CTNNA3: variants seen among roughly 807,000 people sequenced by gnomAD.
CTNNA3 encodes the protein catenin alpha-3.
Under a neutral mutation model 95.7 loss-of-function variants are expected in CTNNA3, and 76 were observed. The observed-to-expected ratio is 0.79, with a 90% CI of 0.66 to 0.96. The LOEUF (loss-of-function observed/expected upper bound fraction) is 0.96. Among genes scored for constraint, CTNNA3 ranks in the 40% least tolerant of loss-of-function variants. The pLI is 0.00. For synonymous variants in CTNNA3, 431 were observed against 374.4 expected, an observed-to-expected ratio of 1.15 and a Z score of -1.74; for missense variants, 1,191 against 1,089.8, an observed-to-expected ratio of 1.09 and a Z score of -1.31.
chr10:67,481,341 T>C (rs1848219482), intron 5 of CTNNA3, among the ~76,000 whole-genome samples: 1 of 152,100 alleles, frequency 6.6e-6, no homozygotes, highest in African/African-American at 2.4e-5. Flanking sequence ...TCAAATGATC[T>C]CTCTTCACTG....
At chr10:66,441,982 C>T (rs1166882008) in intron 11 of CTNNA3, among the ~76,000 whole-genome samples, 1 of 152,128 alleles carries the variant, frequency 6.6e-6, no homozygotes, top group East Asian at 1.9e-4. Context: ...CATAATTATT[C>T]ACACTGAAAC....
intron 7 of CTNNA3, among the ~76,000 whole-genome samples, chr10:66,874,666 T>C (rs901995670): frequency 2.0e-5 from 3 of 152,236 alleles, no homozygotes; most frequent in Admixed American, 6.5e-5. Context: ...GAATTTCATG[T>C]TTTCTCTTTA....
intron 5 of CTNNA3, among the ~76,000 whole-genome samples, chr10:67,494,645 A>G (rs1233396967): frequency 6.6e-6 from 1 of 152,212 alleles, no homozygotes; most frequent in Non-Finnish European, 1.5e-5. Context: ...AGAACAAGCT[A>G]CTAAATAGGT....
intron 10 of CTNNA3, among the ~76,000 whole-genome samples, chr10:66,584,756 C>T (rs1224808998): frequency 6.6e-6 from 1 of 151,892 alleles, no homozygotes; most frequent in African/African-American, 2.4e-5. Context: ...TTGTTTTCTT[C>T]ATATTGTTAT....
intron 12 of CTNNA3, among the ~76,000 whole-genome samples, chr10:66,371,557 T>C (rs1245502295): frequency 2.0e-5 from 3 of 152,182 alleles, no homozygotes; most frequent in Non-Finnish European, 2.9e-5. Context: ...ATAATATGGA[T>C]GCAAGTAGTT....
intron 5 of CTNNA3, among the ~76,000 whole-genome samples, chr10:67,232,903 A>G (rs1865286011): frequency 6.6e-6 from 1 of 152,090 alleles, no homozygotes; most frequent in African/African-American, 2.4e-5. Flanking sequence ...AAAGATCAAA[A>G]GAGACAAAGA....
intron 9 of CTNNA3, among the ~76,000 whole-genome samples, chr10:66,658,272 T>G (rs1342073069): frequency 6.6e-6 from 1 of 151,780 alleles, no homozygotes; most frequent in Non-Finnish European, 1.5e-5. Flanking sequence ...CTGCATTCAT[T>G]TCTTCATTTG....
At chr10:66,139,077 A>G (rs78365475) in intron 13 of CTNNA3, among the ~76,000 whole-genome samples, 1 of 152,158 alleles carries the variant, frequency 6.6e-6, no homozygotes, top group South Asian at 2.1e-4. Context: ...TCCTGACTCA[A>G]TGAAGGGAAT....
intron 10 of CTNNA3, among the ~76,000 whole-genome samples, chr10:66,612,251 A>T (rs1844354421): frequency 6.6e-6 from 1 of 152,068 alleles, no homozygotes; most frequent in Admixed American, 6.6e-5. Context: ...TGACTTCTGC[A>T]TGTAATATTC....
At chr10:67,492,515 A>G (rs2082093021) in intron 5 of CTNNA3, among the ~76,000 whole-genome samples, 1 of 152,244 alleles carries the variant, frequency 6.6e-6, no homozygotes, top group Admixed American at 6.5e-5. Context: ...CTTAATATCA[A>G]GAGAGACAAT....
chr10:67,393,485 A>G (rs1844592866), intron 5 of CTNNA3, among the ~76,000 whole-genome samples: 2 of 152,148 alleles, frequency 1.3e-5, no homozygotes, highest in Non-Finnish European at 2.9e-5. Flanking sequence ...GTGTGGTGCC[A>G]TATCGCTTAC....
Position 66,704,437 on chromosome 10 carries a change from A to G in CTNNA3, c.1281+61827T>C, listed in dbSNP as rs559997624. Among the ~76,000 whole-genome samples, 57 of 152,324 alleles carry G rather than the reference A, an allele frequency of 3.7e-4. 1 individual carries two copies. The highest frequency in any genetic ancestry group is 2.5e-4 in the Non-Finnish European group (17 of 68,026). On this transcript the variant is annotated intron_variant, in intron 9 of 17. Transcript: ENST00000433211. ...TAATCTTTACACCATAGAGCAGATA[A>G]TAAGAAAATAAAAACACAGTAATGC...
chr10:66,179,973 CT>C (rs1271962139), intron 13 of CTNNA3, among the ~76,000 whole-genome samples: 2 of 151,980 alleles, frequency 1.3e-5, no homozygotes, highest in Non-Finnish European at 1.5e-5. Flanking sequence ...GCCAGCTTTG[CT>C]TTTTTTCTAT....
chr10:67,111,607 T>C (rs1225768266), intron 7 of CTNNA3, among the ~76,000 whole-genome samples: 1 of 152,050 alleles, frequency 6.6e-6, no homozygotes, highest in Non-Finnish European at 1.5e-5. Context: ...ATATCAAGAT[T>C]ATTTTTGTCA....
chr10:66,919,766 A>C (rs1846689341), intron 7 of CTNNA3, among the ~76,000 whole-genome samples: 1 of 152,204 alleles, frequency 6.6e-6, no homozygotes, highest in African/African-American at 2.4e-5. Context: ...TAATGCTCTG[A>C]TGAAGATCTG....
At chr10:66,432,621 A>G (rs2093306514) in intron 11 of CTNNA3, among the ~76,000 whole-genome samples, 1 of 150,220 alleles carries the variant, frequency 6.7e-6, no homozygotes, top group Admixed American at 6.7e-5. Flanking sequence ...AGATTGCGCC[A>G]CTGCACTCCA....
At chr10:67,563,158 C>G (rs957415689) in intron 3 of CTNNA3, among the ~76,000 whole-genome samples, 1 of 152,012 alleles carries the variant, frequency 6.6e-6, no homozygotes, top group Non-Finnish European at 1.5e-5. Context: ...TCATATGGAA[C>G]CAAAAAAGAG....
At chr10:66,195,311 C>A (rs2086895694) in intron 13 of CTNNA3, among the ~76,000 whole-genome samples, 1 of 152,114 alleles carries the variant, frequency 6.6e-6, no homozygotes, top group African/African-American at 2.4e-5. Context: ...AAAATGCAAT[C>A]TTACAGCTGC....
intron 5 of CTNNA3, among the ~76,000 whole-genome samples, chr10:67,413,989 T>G (rs1282286318): frequency 6.6e-6 from 1 of 151,660 alleles, no homozygotes; most frequent in Non-Finnish European, 1.5e-5. Context: ...GTTAGAAAGG[T>G]CTCAAATTAA....
Sources: gnomAD v4.1 joint callset for allele counts (sites outside exome capture counted in the v4.1 genomes callset) on GRCh38, gnomAD v4.1.1 for gene constraint, MANE v1.5 for transcripts, NCBI Gene and HGNC (gene_info 2026-07-23, HGNC 2026-07-21) for gene names.